Variants in PRSS23 observed in about 807,000 individuals in gnomAD.
PRSS23 encodes serine protease 23, also known as protease, serine 23.
PRSS23 carries 25 observed loss-of-function variants against 34.7 expected under a neutral mutation model. That is an observed-to-expected ratio of 0.72 (90% CI 0.53 to 1.01). PRSS23 has a LOEUF of 1.01. Among genes scored for constraint, PRSS23 ranks in the 50% least tolerant of loss-of-function variants. PRSS23 has a pLI of 0.00. For missense variants in PRSS23, 445 were observed against 475.6 expected, an observed-to-expected ratio of 0.94 and a Z score of 0.60; for synonymous variants, 176 against 186.6, an observed-to-expected ratio of 0.94 and a Z score of 0.46.
intron 2 of PRSS23, among the ~76,000 whole-genome samples, chr11:86,915,159 G>T (rs938190148): frequency 2.6e-5 from 4 of 152,126 alleles, no homozygotes; most frequent in African/African-American, 9.7e-5. Context: ...AGAGGCCAGG[G>T]GATTCATGGG....
At chr11:86,952,066 A>G in exon 3 of PRSS23, 1 of 1,614,138 alleles carries the variant, frequency 6.2e-7, no homozygotes, top group South Asian at 1.1e-5. Context: ...TGGAGATGAA[A>G]CACAGGCTGG....
At chr11:86,931,846 A>G (rs7945275) in intron 2 of PRSS23, among the ~76,000 whole-genome samples, 91,892 of 151,762 alleles carry the variant, frequency 0.61, 28,592 homozygotes, top group Non-Finnish European at 0.69. Flanking sequence ...TTTAAAAAAA[A>G]GAGTGGACAT....
chr11:86,904,971 C>G (rs1948932974), intron 2 of PRSS23, among the ~76,000 whole-genome samples: 1 of 152,088 alleles, frequency 6.6e-6, no homozygotes, highest in Non-Finnish European at 1.5e-5. Context: ...TGGGAAGATC[C>G]TTTGAGCCTG....
At chr11:86,918,051 C>G (rs1043977631) in intron 2 of PRSS23, among the ~76,000 whole-genome samples, 1 of 152,180 alleles carries the variant, frequency 6.6e-6, no homozygotes, top group African/African-American at 2.4e-5. Context: ...TTAGCTATTT[C>G]ATTTTTAGTA....
rs79738964 is a variant in PRSS23, at chr11:86,810,391, A to C, written c.*1596A>C. 1 of 167,162 alleles carries C rather than the reference A, an allele frequency of 6.0e-6. No individual in the cohort carries two copies. The highest frequency in any genetic ancestry group is 2.4e-5 in the African/African-American group (1 of 41,568). The allele number at this position is 167,162 out of a possible 1,614,324, so 10.4% of individuals were successfully genotyped here. A position where few individuals can be genotyped will look rare whatever the true frequency, so the allele number is the denominator to read the frequency against. ...TGAGCTTTTTGGAAGGATAATTCTG[A>C]TAAGGCACTCAAGAAACGTACAACC... On this transcript the variant is annotated 3_prime_UTR_variant, in exon 2 of 2. Coordinates refer to ENST00000280258, the MANE Select transcript of PRSS23 (RefSeq NM_007173.6).
chr11:86,875,181 G>A (rs1199433111), intron 2 of PRSS23, among the ~76,000 whole-genome samples: 1 of 152,162 alleles, frequency 6.6e-6, no homozygotes, highest in African/African-American at 2.4e-5. Context: ...CCCACCTTAT[G>A]ATGAGAAAGA....
chr11:86,851,962 C>G (rs1169933463), intron 2 of PRSS23, among the ~76,000 whole-genome samples: 1 of 152,202 alleles, frequency 6.6e-6, no homozygotes. Flanking sequence ...CCACCACAAC[C>G]AAGAACAGAA....
chr11:86,864,754 G>A (rs181172714), intron 2 of PRSS23, among the ~76,000 whole-genome samples: 10 of 152,358 alleles, frequency 6.6e-5, no homozygotes, highest in Non-Finnish European at 1.3e-4. Flanking sequence ...GAGCTGTCTT[G>A]TTTCTGGAGG....
At chr11:86,887,607 T>A (rs906158027) in intron 2 of PRSS23, among the ~76,000 whole-genome samples, 1 of 152,146 alleles carries the variant, frequency 6.6e-6, no homozygotes, top group African/African-American at 2.4e-5. Context: ...AAGAATATTA[T>A]AACTGTCCCA....
intron 2 of PRSS23, among the ~76,000 whole-genome samples, chr11:86,939,413 TA>T (rs1949189060): frequency 3.6e-5 from 3 of 82,378 alleles, no homozygotes; most frequent in Admixed American, 1.3e-4. Context: ...AATATATATA[TA>T]TATATATATA....
At chr11:86,797,476 G>A (rs1947988720), upstream of PRSS23, among the ~76,000 whole-genome samples, 3 of 152,164 alleles carry the variant, frequency 2.0e-5, no homozygotes, top group African/African-American at 4.8e-5. Context: ...GAGCCCCCGT[G>A]GGACATCTGT....
At position 86,832,708 on chromosome 11, in the gene PRSS23, G is replaced by A. The variant is rs187411272; in HGVS notation, c.206+9115G>A. 116 of 314,572 alleles carry A rather than the reference G, an allele frequency of 3.7e-4. 1 individual carries two copies. Among genetic ancestry groups the A allele is most frequent in the African/African-American group, 2.1e-3 (95 of 45,704 alleles). 19.5% of individuals were successfully genotyped at this position (314,572 alleles called of 1,614,324 possible). On this transcript the variant is annotated intron_variant, in intron 2 of 2. Transcript: ENST00000533902. ...CCCCAACGACTTTTCCATAAAATAAGCAAACAACTGACAGGGGAGACCCAC... is the reference window on the plus strand; with the variant it reads ...CCCCAACGACTTTTCCATAAAATAAACAAACAACTGACAGGGGAGACCCAC...
chr11:86,871,409 G>A (rs1296956423), intron 2 of PRSS23, among the ~76,000 whole-genome samples: 6 of 152,108 alleles, frequency 3.9e-5, no homozygotes, highest in Non-Finnish European at 5.9e-5. Flanking sequence ...GCCTTGTGTA[G>A]TCTTACCCTG....
rs35433370 is a variant in PRSS23, at chr11:86,808,883, C to CGTGTGTGTGT, written c.*105_*114dup. On this transcript the variant is annotated 3_prime_UTR_variant, in exon 2 of 2. Transcript: ENST00000280258. Reference sequence around the variant, plus strand: ...TTGTTTTTTGTCATTGGCGTGCACACGTGTGTGTGTGTGTGTGTGTGTGTG... The same window carrying CGTGTGTGTGT: ...TTGTTTTTTGTCATTGGCGTGCACACGTGTGTGTGTGTGTGTGTGTGTGTGTGTGTGTGTG... 116 of 888,192 alleles carry CGTGTGTGTGT rather than the reference C, an allele frequency of 1.3e-4. No individual in the cohort carries two copies. The East Asian group carries it at 1.4e-3, about 11-fold the overall frequency. The allele number at this position is 888,192 out of a possible 1,614,324, so 55.0% of individuals were successfully genotyped here. A position where few individuals can be genotyped will look rare whatever the true frequency, so the allele number is the denominator to read the frequency against.
At chr11:86,911,731 A>G (rs1948978985) in intron 2 of PRSS23, 1 of 151,024 alleles carries the variant, frequency 6.6e-6, no homozygotes, top group Non-Finnish European at 1.5e-5. Flanking sequence ...TATTGCTTGC[A>G]TCTATACACC....
exon 3 of PRSS23, chr11:86,952,335 C>CT: frequency 1.2e-6 from 2 of 1,614,230 alleles, no homozygotes; most frequent in South Asian, 2.2e-5. Context: ...TTCAGACTCT[C>CT]TGGCCAGGCA....
chr11:86,883,935 C>A (rs546789594), intron 2 of PRSS23, among the ~76,000 whole-genome samples: 2 of 150,548 alleles, frequency 1.3e-5, no homozygotes, highest in African/African-American at 2.4e-5. Context: ...CAAAATCGAA[C>A]TAACTTTTTT....
chr11:86,888,924 G>A (rs1948823075), intron 2 of PRSS23, among the ~76,000 whole-genome samples: 1 of 152,208 alleles, frequency 6.6e-6, no homozygotes, highest in Non-Finnish European at 1.5e-5. Context: ...CTGCCGGGGT[G>A]AAGTAATGTC....
At chr11:86,821,414 C>T in intron 1 of PRSS23, 1 of 1,466,994 alleles carries the variant, frequency 6.8e-7, no homozygotes, top group Admixed American at 1.7e-5. Flanking sequence ...ACATTGATTG[C>T]TCTTCAGAAG....
Sources: allele counts gnomAD v4.1 joint callset (sites outside exome capture counted in the v4.1 genomes callset), GRCh38; gene constraint gnomAD v4.1.1; transcripts MANE v1.5; gene names NCBI Gene and HGNC (gene_info 2026-07-23, HGNC 2026-07-21).